Variants in POLN observed in about 807,000 individuals in gnomAD.
POLN encodes the protein DNA polymerase nu.
POLN carries 108 observed loss-of-function variants against 113.5 expected under a neutral mutation model. The observed-to-expected ratio is 0.95, with a 90% CI of 0.81 to 1.12. The LOEUF (loss-of-function observed/expected upper bound fraction) is 1.12. Among genes scored for constraint, POLN ranks in the 50% most tolerant of loss-of-function variants. POLN has a pLI of 0.00. For synonymous variants in POLN, 386 were observed against 391.5 expected (o/e 0.99, Z 0.17); for missense variants, 1,097 against 1,077.1 (o/e 1.02, Z -0.26).
At chr4:2,091,771 G>GTGTGTA (rs1230900390) in intron 20 of POLN, among the ~76,000 whole-genome samples, 5 of 82,232 alleles carry the variant, frequency 6.1e-5, no homozygotes, top group African/African-American at 2.6e-4. Context: ...CTGTGTGTGT[G>GTGTGTA]TGTGTGTGTG....
chr4:2,205,042 C>T (rs545505621), intron 5 of POLN, among the ~76,000 whole-genome samples: 2 of 152,258 alleles, frequency 1.3e-5, no homozygotes, highest in South Asian at 4.2e-4. Flanking sequence ...GACAAGGATG[C>T]CCACTCTCAC....
chr4:2,205,849 T>C (rs966909666), intron 5 of POLN, among the ~76,000 whole-genome samples: 3 of 144,600 alleles, frequency 2.1e-5, no homozygotes, highest in African/African-American at 7.8e-5. Context: ...CACTCCAGCT[T>C]GGGCGACAGA....
Position 2,198,700 on chromosome 4 carries a change from A to G in POLN, c.732T>C (p.Val244=), listed in dbSNP as rs1331064226. 3 of 1,609,002 alleles carry G rather than the reference A, an allele frequency of 1.9e-6. No homozygotes were observed. The African/African-American group carries it at 4.0e-5, about 22-fold the overall frequency. ...GTTTTACTAACACCACAATTCCTCTAACAGAAGAAACGGGGGTCTGTGGAA... is the reference window on the plus strand; with the variant it reads ...GTTTTACTAACACCACAATTCCTCTGACAGAAGAAACGGGGGTCTGTGGAA... ...LGADQTPVSS[V]RGIVVLVKRQ... is the part of the protein sequence containing the mutation. The change falls in exon 6 of 26, where the codon GTT becomes GTC. Residue 244 remains valine, a synonymous_variant. Coordinates refer to ENST00000511885, the MANE Select transcript of POLN (RefSeq NM_181808.4).
intron 16 of POLN, among the ~76,000 whole-genome samples, chr4:2,135,924 C>G (rs753289952): frequency 6.6e-6 from 1 of 152,254 alleles, no homozygotes; most frequent in African/African-American, 2.4e-5. Context: ...AGGGGCTAGA[C>G]TCCCCATTAC....
chr4:2,088,696 A>G, intron 20 of POLN: 2 of 937,962 alleles, frequency 2.1e-6, no homozygotes, highest in Non-Finnish European at 2.9e-6. Flanking sequence ...ACAGCCATCA[A>G]GTTTTCTTTT....
At position 2,121,265 on chromosome 4, in the gene POLN, T is replaced by A. The variant is rs917663773; in HGVS notation, c.1982+6848A>T. Among the ~76,000 whole-genome samples, 9 of 152,088 alleles carry A rather than the reference T, an allele frequency of 5.9e-5. 1 individual carries two copies. The South Asian group carries it at 1.7e-3, about 28-fold the overall frequency. ...GGCTGGCCAACATGCTGAAACCCCA[T>A]CTCTACTAAAAATACAAAAATTAGC... On this transcript the variant is annotated intron_variant, in intron 19 of 25. Transcript: ENST00000511885.
At chr4:2,228,319 T>C (rs1055055367) in intron 3 of POLN, 1 of 196,692 alleles carries the variant, frequency 5.1e-6, no homozygotes, top group African/African-American at 2.4e-5. Flanking sequence ...AACATTTCAG[T>C]GACATTTGTG....
intron 13 of POLN, among the ~76,000 whole-genome samples, chr4:2,163,078 G>A (rs924818091): frequency 3.0e-5 from 4 of 132,746 alleles, no homozygotes; most frequent in African/African-American, 1.2e-4. Flanking sequence ...AATTAAAATT[G>A]TCTAGAATCT....
At chr4:2,077,443 C>T (rs1428153052) in intron 23 of POLN, among the ~76,000 whole-genome samples, 2 of 152,140 alleles carry the variant, frequency 1.3e-5, no homozygotes, top group Admixed American at 6.5e-5. Context: ...GAGCAGGCTG[C>T]CCCCAGGGAG....
chr4:2,134,781 G>A (rs1364249014), intron 16 of POLN, among the ~76,000 whole-genome samples: 2 of 152,180 alleles, frequency 1.3e-5, no homozygotes, highest in African/African-American at 2.4e-5. Context: ...TGATCACAAC[G>A]TTGAACAGCT....
At chr4:2,172,473 C>G (rs1732888150) in intron 11 of POLN, among the ~76,000 whole-genome samples, 1 of 152,202 alleles carries the variant, frequency 6.6e-6, no homozygotes, top group Admixed American at 6.5e-5. Flanking sequence ...TTCCTCTCTT[C>G]AGAACACTTA....
In POLN at chr4:2,095,943, G is replaced by C; in HGVS notation, c.1983-10C>G. 3 of 1,613,646 alleles carry C rather than the reference G, an allele frequency of 1.9e-6. No homozygotes were observed. Among genetic ancestry groups the C allele is most frequent in the Non-Finnish European group, 2.5e-6 (3 of 1,179,602 alleles). ...CACGGGCACATCCTTCCTGCATGGA[G>C]AGACCATGTGTGAAGTTCAGGCACA... is the stretch of plus-strand genomic sequence containing the variant. On this transcript the variant is annotated splice_polypyrimidine_tract_variant and intron_variant, in intron 19 of 25. Coordinates refer to ENST00000511885, the MANE Select transcript of POLN (RefSeq NM_181808.4).
At chr4:2,080,104 C>G (rs1321513159) in intron 23 of POLN, 2 of 985,384 alleles carry the variant, frequency 2.0e-6, no homozygotes, top group South Asian at 4.7e-5. Flanking sequence ...CGGGGACTGA[C>G]ACTGTGGGGG....
chr4:2,184,985 T>C (rs1733234820), intron 7 of POLN, among the ~76,000 whole-genome samples: 1 of 152,222 alleles, frequency 6.6e-6, no homozygotes, highest in African/African-American at 2.4e-5. Context: ...AATTTTATCT[T>C]GGCTTTTCTA....
At chr4:2,072,464 A>G (rs1730172204) in intron 25 of POLN, among the ~76,000 whole-genome samples, 165 bp from the exon 26 acceptor site, 2 of 152,252 alleles carry the variant, frequency 1.3e-5, no homozygotes, top group Middle Eastern at 6.8e-3. Context: ...CACACTCACC[A>G]CACTCGCCCA....
intron 7 of POLN, among the ~76,000 whole-genome samples, chr4:2,180,330 A>G (rs28562745): frequency 0.25 from 37,531 of 152,146 alleles, 7,153 homozygotes; most frequent in African/African-American, 0.52. Flanking sequence ...CTAGAAATCA[A>G]TAGACAAACT....
At chr4:2,231,142 T>C (rs572460796) in intron 2 of POLN, 1 of 152,246 alleles carries the variant, frequency 6.6e-6, no homozygotes, top group South Asian at 2.1e-4. Flanking sequence ...GTGGTACAAG[T>C]AGGGACATTA....
At chr4:2,158,124 A>G (rs1276578584) in intron 14 of POLN, among the ~76,000 whole-genome samples, 1 of 151,986 alleles carries the variant, frequency 6.6e-6, no homozygotes, top group Non-Finnish European at 1.5e-5. Context: ...GCTAAGTTTT[A>G]TATTTTTAGT....
At chr4:2,082,499 G>T (rs1215917715) in intron 21 of POLN, among the ~76,000 whole-genome samples, 1 of 152,186 alleles carries the variant, frequency 6.6e-6, no homozygotes, top group African/African-American at 2.4e-5. Flanking sequence ...ATGCAATTTG[G>T]GGGCTCTTTT....
Sources: allele counts gnomAD v4.1 joint callset (sites outside exome capture counted in the v4.1 genomes callset), GRCh38; gene constraint gnomAD v4.1.1; transcripts MANE v1.5; gene names NCBI Gene and HGNC (gene_info 2026-07-23, HGNC 2026-07-21).